The following HELZ variants were observed in gnomAD, a reference collection of about 807,000 sequenced individuals.
HELZ encodes ATP-dependent RNA helicase with zinc finger domain.
A neutral mutation model predicts 218.2 loss-of-function variants in HELZ; 23 were observed. The observed-to-expected ratio is 0.11, with a 90% CI of 0.08 to 0.15. HELZ has a LOEUF of 0.15. Among genes scored for constraint, HELZ ranks in the 10% least tolerant of loss-of-function variants. HELZ has a pLI of 1.00. For synonymous variants in HELZ, 814 were observed against 829.4 expected, an observed-to-expected ratio of 0.98 and a Z score of 0.32; for missense variants, 1,813 against 2,353.7, an observed-to-expected ratio of 0.77 and a Z score of 4.75.
chr17:67,178,598 G>T, intron 13 of HELZ, 61 bp downstream of exon 13: 1 of 1,370,890 alleles, frequency 7.3e-7, no homozygotes, highest in Non-Finnish European at 1.0e-6. Context: ...TCATTTTAAA[G>T]ATTAGAAATA....
upstream of HELZ, chr17:67,245,203 T>C (rs1399059984): frequency 3.0e-6 from 3 of 985,098 alleles, no homozygotes; most frequent in African/African-American, 5.3e-5. Context: ...CCACAAAGCA[T>C]TATGGGTAAG....
chr17:67,160,764 C>G (rs1352074746), intron 16 of HELZ, 133 bp downstream of exon 16: 2 of 649,078 alleles, frequency 3.1e-6, no homozygotes. Context: ...GGATTTACGG[C>G]TTTTCCTTTT....
intron 2 of HELZ, among the ~76,000 whole-genome samples, chr17:67,241,142 T>A (rs1319888325): frequency 6.6e-6 from 1 of 152,226 alleles, no homozygotes; most frequent in Non-Finnish European, 1.5e-5. Context: ...TTGTATCACT[T>A]TTCTTCTAGA....
intron 2 of HELZ, among the ~76,000 whole-genome samples, chr17:67,242,290 C>G (rs1184095499): frequency 6.6e-6 from 1 of 151,962 alleles, no homozygotes; most frequent in African/African-American, 2.4e-5. Flanking sequence ...TGGCGTAAGC[C>G]TGTAATCCCT....
chr17:67,214,243 G>C (rs1006295076), intron 5 of HELZ, among the ~76,000 whole-genome samples: 2 of 149,054 alleles, frequency 1.3e-5, no homozygotes, highest in Non-Finnish European at 3.0e-5. Context: ...TTTAATGAAT[G>C]GTTAAATTAA....
At position 67,078,268 on chromosome 17, in the gene HELZ, T is replaced by C; in HGVS notation, c.5813A>G (p.Tyr1938Cys). ...LGSSSGSNGF[Y>C]SYFK ...AAAAAGTGATTATTTAAAATATGAG[T>C]AAAAGCCATTGCTGCCAGATGAGCT... The change falls in exon 33 of 33, where the codon TAC becomes TGC. Residue 1938 changes from tyrosine (Y) to cysteine (C), a missense_variant. Coordinates refer to ENST00000358691, the MANE Select transcript of HELZ (RefSeq NM_014877.4). 1 of 1,611,824 alleles carries C rather than the reference T, an allele frequency of 6.2e-7. No individual in the cohort carries two copies. The highest frequency in any genetic ancestry group is 8.5e-7 in the Non-Finnish European group (1 of 1,178,336).
Position 67,109,013 on chromosome 17 carries a change from T to A in HELZ, c.4489+103A>T, listed in dbSNP as rs139614762. On this transcript the variant is annotated intron_variant, in intron 29 of 32. Coordinates refer to ENST00000358691, the MANE Select transcript of HELZ (RefSeq NM_014877.4). ...ACTAAATGGGGGGGTTTTGCTAGCA[T>A]TATTTGAAGAAACAATTCAATCTTA... 7.9e-5 allele frequency: 78 copies of A among 982,902 alleles called. No homozygotes were observed. In the African/African-American group the frequency reaches 9.6e-4, roughly 12 times the overall value. The allele number at this position is 982,902 out of a possible 1,614,324, so 60.9% of individuals were successfully genotyped here.
intron 16 of HELZ, 95 bp downstream of exon 16, chr17:67,160,802 T>A (rs2038973571): frequency 2.2e-6 from 2 of 897,552 alleles, no homozygotes; most frequent in African/African-American, 3.4e-5. Flanking sequence ...AAGAGCTGCA[T>A]GAAAACTGTC....
chr17:67,216,938 T>A lies in HELZ; in HGVS notation c.211-1003A>T, dbSNP rs958452392. ...GCTCTGCTCCCCAACCTCTTGACAC[T>A]GCAGCAGCCCAAGACTCGGCCCTCA... On this transcript the variant is annotated intron_variant, in intron 4 of 32. Transcript: ENST00000358691. 2.6e-5 allele frequency among the ~76,000 whole-genome samples: 4 copies of A among 152,198 alleles called. No individual in the cohort carries two copies. The East Asian group carries it at 7.7e-4, about 29-fold the overall frequency.
Position 67,114,389 on chromosome 17 carries a change from T to C in HELZ, c.3853A>G (p.Asn1285Asp), listed in dbSNP as rs776938470. Residue 1285 changes from asparagine to aspartate, a missense_variant, in exon 28 of 33, where the codon AAT becomes GAT. Coordinates refer to ENST00000358691, the MANE Select transcript of HELZ (RefSeq NM_014877.4). The stretch of plus-strand genomic sequence containing the variant: ...TTATTAATTTCAGGTCCGGAATTAT[T>C]TGTATCACTTTTACCTAAGAAAATA... The part of the protein sequence containing the change: ...EQNRNGKSDT[N>D]NSGPEINKIR... The C allele has an allele frequency of 1.9e-6, 3 of 1,605,566 alleles. No homozygotes were observed. The highest frequency in any genetic ancestry group is 4.5e-5 in the East Asian group (2 of 44,768).
At chr17:67,085,236 T>G (rs952745199) in intron 32 of HELZ, among the ~76,000 whole-genome samples, 18 of 151,954 alleles carry the variant, frequency 1.2e-4, no homozygotes, top group Middle Eastern at 3.4e-3. Flanking sequence ...CTGGGAAACA[T>G]GGCGAAACCC....
At chr17:67,133,840 C>T (rs1324313422) in intron 23 of HELZ, among the ~76,000 whole-genome samples, 1 of 152,166 alleles carries the variant, frequency 6.6e-6, no homozygotes, top group African/African-American at 2.4e-5. Flanking sequence ...AATCCATTTA[C>T]TCCCCTAATA....
intron 20 of HELZ, among the ~76,000 whole-genome samples, 180 bp from the exon 21 acceptor site, chr17:67,146,070 C>T (rs538845399): frequency 1.3e-5 from 2 of 152,196 alleles, no homozygotes; most frequent in South Asian, 4.1e-4. Context: ...GAGTAGGGTC[C>T]TGGCATAATA....
In HELZ at chr17:67,087,058, C is replaced by T. The variant is rs776713782; in HGVS notation, c.5265G>A (p.Arg1755=). The change falls in exon 32 of 33, where the codon CGG becomes CGA. Residue 1755 remains arginine, a synonymous_variant. Coordinates refer to ENST00000358691, the MANE Select transcript of HELZ (RefSeq NM_014877.4). ...LEEYEPRGPG[R]PLYQRRISSS... ...ATGAGATTCTTCTTTGGTACAAGGG[C>T]CGACCAGGTCCTCTGGGCTCATACT... 1 of 1,613,994 alleles carries T rather than the reference C, an allele frequency of 6.2e-7. No homozygotes were observed. Among genetic ancestry groups the T allele is most frequent in the Non-Finnish European group, 8.5e-7 (1 of 1,179,946 alleles).
intron 32 of HELZ, 35 bp downstream of exon 32, chr17:67,086,794 G>A (rs765209490): frequency 1.9e-6 from 3 of 1,609,806 alleles, no homozygotes; most frequent in East Asian, 2.2e-5. Context: ...GAGCTGAGGA[G>A]TACAGATTAG....
chr17:67,084,665 A>G lies in HELZ; in HGVS notation c.5494+2164T>C, dbSNP rs79486158. 1.0e-3 allele frequency among the ~76,000 whole-genome samples: 16 copies of G among 15,954 alleles called. No homozygotes were observed. The African/African-American group carries it at 0.018, about 18-fold the overall frequency. The allele number at this position is 15,954 out of a possible 152,430, so 10.5% of individuals were successfully genotyped here. A position where few individuals can be genotyped will look rare whatever the true frequency, so the allele number is the denominator to read the frequency against. On this transcript the variant is annotated intron_variant, in intron 32 of 32. Transcript: ENST00000358691. Reference sequence around the variant, plus strand: ...GCGACAGAGCGAGACTCCGTCTCAAAAAAAAAAAAAAAGAAAGAAAAAGAA... The same window carrying G: ...GCGACAGAGCGAGACTCCGTCTCAAGAAAAAAAAAAAAGAAAGAAAAAGAA...
At chr17:67,224,468 T>C (rs1282530027) in intron 3 of HELZ, 4 of 254,986 alleles carry the variant, frequency 1.6e-5, no homozygotes, top group Non-Finnish European at 3.1e-5. Context: ...TCAGTTTAGG[T>C]TGATATTTCA....
chr17:67,190,429 CCT>C, intron 9 of HELZ, 74 bp from the exon 10 acceptor site: 6 of 1,135,720 alleles, frequency 5.3e-6, no homozygotes, highest in Non-Finnish European at 6.5e-6. Context: ...CAGCATTTGC[CCT>C]CTGATTCTTC....
chr17:67,099,178 G>T (rs1567798232), intron 31 of HELZ, among the ~76,000 whole-genome samples: 1 of 150,852 alleles, frequency 6.6e-6, no homozygotes, highest in Non-Finnish European at 1.5e-5. Flanking sequence ...CTTATTTCTT[G>T]ACTTTGTTTC....
Sources: gnomAD v4.1 joint callset for allele counts (sites outside exome capture counted in the v4.1 genomes callset) on GRCh38, gnomAD v4.1.1 for gene constraint, MANE v1.5 for transcripts, NCBI Gene and HGNC (gene_info 2026-07-23, HGNC 2026-07-21) for gene names.